The following BMERB1 variants were observed in gnomAD, a reference collection of about 807,000 sequenced individuals.
BMERB1 encodes the protein bMERB domain-containing protein 1.
Under a neutral mutation model 23.6 loss-of-function variants are expected in BMERB1, and 12 were observed. That is an observed-to-expected ratio of 0.51 (90% CI 0.33 to 0.82). BMERB1 has a LOEUF of 0.82. Ranked by LOEUF, BMERB1 falls within the 40% of genes least tolerant of loss-of-function variation. The pLI is 0.03. For synonymous variants in BMERB1, 122 were observed against 96.6 expected, an observed-to-expected ratio of 1.26 and a Z score of -1.54; for missense variants, 247 against 255.4, an observed-to-expected ratio of 0.97 and a Z score of 0.22.
chr16:15,572,714 T>C (rs2030759278), intron 3 of BMERB1, among the ~76,000 whole-genome samples: 1 of 152,196 alleles, frequency 6.6e-6, no homozygotes, highest in African/African-American at 2.4e-5. Context: ...GGCATTGTAA[T>C]AGAACTCAAC....
chr16:15,571,418 C>T (rs1277399318), intron 3 of BMERB1, among the ~76,000 whole-genome samples: 5 of 150,620 alleles, frequency 3.3e-5, no homozygotes, highest in African/African-American at 4.9e-5. Flanking sequence ...AGTGCAGTGG[C>T]GCGATCTCTG....
intron 2 of BMERB1, among the ~76,000 whole-genome samples, chr16:15,546,249 C>G (rs1366453510): frequency 6.6e-6 from 1 of 152,186 alleles, no homozygotes; most frequent in Admixed American, 6.5e-5. Context: ...GATCAAGCAA[C>G]TGCACTCCAG....
intron 1 of BMERB1, among the ~76,000 whole-genome samples, chr16:15,492,931 A>G (rs529511882): frequency 1.3e-5 from 2 of 151,972 alleles, no homozygotes; most frequent in East Asian, 1.9e-4. Context: ...AAAAAAAGAA[A>G]AAAAAGAAGA....
intron 1 of BMERB1, among the ~76,000 whole-genome samples, chr16:15,466,684 C>T (rs2051183309): frequency 6.6e-6 from 1 of 151,202 alleles, no homozygotes; most frequent in Non-Finnish European, 1.5e-5. Context: ...ACAATCCATT[C>T]ATCCTATTCA....
chr16:15,475,920 C>T (rs191131458), intron 1 of BMERB1, among the ~76,000 whole-genome samples: 1 of 152,160 alleles, frequency 6.6e-6, no homozygotes, highest in African/African-American at 2.4e-5. Flanking sequence ...GTCATGTAGA[C>T]CTGGTTGACT....
intron 2 of BMERB1, among the ~76,000 whole-genome samples, chr16:15,518,928 A>G (rs770796408): frequency 2.0e-5 from 3 of 151,582 alleles, no homozygotes; most frequent in Non-Finnish European, 4.4e-5. Flanking sequence ...AAGTTTATAA[A>G]CTCCATGAGG....
At chr16:15,583,273 A>G in intron 5 of BMERB1, 35 bp downstream of exon 5, 2 of 1,499,214 alleles carry the variant, frequency 1.3e-6, no homozygotes, top group South Asian at 2.3e-5. Context: ...CCTCCCCCAC[A>G]AAAGAGAAAA....
chr16:15,583,577 CAAAAAAAAA>C (rs35021259), intron 5 of BMERB1, among the ~76,000 whole-genome samples: 2 of 61,870 alleles, frequency 3.2e-5, no homozygotes, highest in Non-Finnish European at 6.8e-5. Context: ...GACTTTGTCT[CAAAAAAAAA>C]AAAAAAAAAA....
At chr16:15,479,930 A>C (rs529578425) in intron 1 of BMERB1, among the ~76,000 whole-genome samples, 1 of 150,834 alleles carries the variant, frequency 6.6e-6, no homozygotes, top group African/African-American at 2.4e-5. Flanking sequence ...GAGCTTGAGC[A>C]ACAGAATGAG....
At chr16:15,493,183 T>C (rs916840624) in intron 1 of BMERB1, among the ~76,000 whole-genome samples, 1 of 151,736 alleles carries the variant, frequency 6.6e-6, no homozygotes, top group African/African-American at 2.4e-5. Context: ...AGAAACCCCG[T>C]CTCCACTAAA....
chr16:15,456,571 C>T (rs2051089129), intron 1 of BMERB1, among the ~76,000 whole-genome samples: 1 of 152,120 alleles, frequency 6.6e-6, no homozygotes, highest in Admixed American at 6.5e-5. Context: ...CTACTGGCCT[C>T]AAGTGATCTG....
Position 15,480,023 on chromosome 16 carries a change from A to AT in BMERB1, c.107-35282_107-35281insT, listed in dbSNP as rs567929504. On this transcript the variant is annotated intron_variant, in intron 1 of 5. Transcript: ENST00000300006. ...TCATATATATATATAATATATATAT[A>AT]ATATATATTTAAAAAGCTCTTTGGG... Among the ~76,000 whole-genome samples the AT allele has an allele frequency of 5.5e-3, 815 of 147,858 alleles. 5 individuals carry two copies. The highest frequency in any genetic ancestry group is 0.019 in the African/African-American group (785 of 40,682).
chr16:15,457,510 C>A (rs1450196056), intron 1 of BMERB1, among the ~76,000 whole-genome samples: 1 of 152,194 alleles, frequency 6.6e-6, no homozygotes, highest in African/African-American at 2.4e-5. Flanking sequence ...CAGGAGCTCA[C>A]CATTGCCTTT....
intron 1 of BMERB1, among the ~76,000 whole-genome samples, chr16:15,497,329 G>GA (rs1278547520): frequency 6.6e-6 from 1 of 152,174 alleles, no homozygotes; most frequent in East Asian, 1.9e-4. Flanking sequence ...AAGCAATCCC[G>GA]ATGAATGAGG....
chr16:15,540,506 A>G (rs1227187700), intron 2 of BMERB1, among the ~76,000 whole-genome samples: 2 of 152,212 alleles, frequency 1.3e-5, no homozygotes, highest in Non-Finnish European at 2.9e-5. Context: ...AGCCTGGGTG[A>G]CAGAGTGAGA....
At chr16:15,570,191 A>G (rs1351878772) in intron 3 of BMERB1, among the ~76,000 whole-genome samples, 1 of 152,164 alleles carries the variant, frequency 6.6e-6, no homozygotes, top group African/African-American at 2.4e-5. Context: ...CTATGTCCCA[A>G]GAGGCTGTTC....
chr16:15,448,002 G>C (rs957087253), intron 1 of BMERB1: 18 of 438,144 alleles, frequency 4.1e-5, no homozygotes, highest in African/African-American at 3.4e-4. Flanking sequence ...CGATTGTCCT[G>C]CCTCAGCCTC....
At chr16:15,528,330 T>C (rs1429494819) in intron 2 of BMERB1, among the ~76,000 whole-genome samples, 3 of 152,104 alleles carry the variant, frequency 2.0e-5, no homozygotes, top group Admixed American at 2.0e-4. Context: ...GAACTTGCTC[T>C]CTCGAGCACT....
At chr16:15,470,453 G>A (rs536728821) in intron 1 of BMERB1, among the ~76,000 whole-genome samples, 2 of 151,770 alleles carry the variant, frequency 1.3e-5, no homozygotes, top group Admixed American at 6.6e-5. Flanking sequence ...TTGTTGTACT[G>A]TCTCTCTCTG....
Sources: allele counts gnomAD v4.1 joint callset (sites outside exome capture counted in the v4.1 genomes callset), GRCh38; gene constraint gnomAD v4.1.1; transcripts MANE v1.5; gene names NCBI Gene and HGNC (gene_info 2026-07-23, HGNC 2026-07-21).